Variants in ABHD3 observed in about 807,000 individuals in gnomAD.
ABHD3 encodes the protein phospholipase ABHD3.
ABHD3 carries 46 observed loss-of-function variants against 48.8 expected under a neutral mutation model. The observed-to-expected ratio is 0.94, with a 90% CI of 0.74 to 1.20. The LOEUF is 1.20. Ranked by LOEUF, ABHD3 falls within the 50% of genes most tolerant of loss-of-function variation. The pLI is 0.00. For synonymous variants in ABHD3, 192 were observed against 183.7 expected, an observed-to-expected ratio of 1.04 and a Z score of -0.36; for missense variants, 490 against 497.8, an observed-to-expected ratio of 0.98 and a Z score of 0.15.
chr18:21,665,736 C>T (rs923086155), intron 4 of ABHD3, among the ~76,000 whole-genome samples: 2 of 150,380 alleles, frequency 1.3e-5, no homozygotes, highest in Non-Finnish European at 3.0e-5. Flanking sequence ...GGCGTGAACC[C>T]GGGAGGTGGA....
chr18:21,675,277 T>A (rs2146306449), intron 4 of ABHD3, among the ~76,000 whole-genome samples: 1 of 146,026 alleles, frequency 6.8e-6, no homozygotes. Context: ...TTTTTTTTTT[T>A]TTTTTTTTTG....
At chr18:21,664,008 C>T in intron 5 of ABHD3, 110 bp downstream of exon 5, 1 of 1,439,802 alleles carries the variant, frequency 6.9e-7, no homozygotes, top group South Asian at 1.6e-5. Context: ...TAAACATAAT[C>T]AGACATTTAT....
intron 3 of ABHD3, chr18:21,701,951 C>T (rs1467951777): frequency 6.4e-6 from 1 of 156,818 alleles, no homozygotes; most frequent in Non-Finnish European, 1.4e-5. Context: ...CAGAATGTGG[C>T]ATGACGGCCA....
intron 1 of ABHD3, 68 bp from the exon 2 acceptor site, chr18:21,703,815 G>T: frequency 6.4e-7 from 1 of 1,550,986 alleles, no homozygotes; most frequent in Non-Finnish European, 8.8e-7. Flanking sequence ...ACCAGAAACC[G>T]GCAAAGACTT....
chr18:21,667,229 A>G (rs1319298554), intron 4 of ABHD3, among the ~76,000 whole-genome samples: 1 of 88,100 alleles, frequency 1.1e-5, no homozygotes, highest in Non-Finnish European at 2.1e-5. Flanking sequence ...GCCCACCACC[A>G]CACCCTTTTT....
chr18:21,682,278 A>G (rs1403228819), intron 4 of ABHD3: 1 of 152,258 alleles, frequency 6.6e-6, no homozygotes, highest in Non-Finnish European at 1.5e-5. Context: ...ATCATCATCC[A>G]GCCATAGTAA....
chr18:21,685,028 C>A (rs1264608341), intron 3 of ABHD3, among the ~76,000 whole-genome samples: 1 of 152,158 alleles, frequency 6.6e-6, no homozygotes, highest in Non-Finnish European at 1.5e-5. Context: ...AAAAGTTATT[C>A]AGTATTTAAA....
chr18:21,663,838 CG>C, intron 5 of ABHD3: 1 of 1,519,128 alleles, frequency 6.6e-7, no homozygotes. Flanking sequence ...ACATGGCAGC[CG>C]GTGAGTGATG....
At chr18:21,696,426 G>A (rs2040372079) in intron 3 of ABHD3, among the ~76,000 whole-genome samples, 3 of 152,266 alleles carry the variant, frequency 2.0e-5, no homozygotes, top group South Asian at 4.1e-4. Context: ...TGGGATTACA[G>A]GCGTGAGCCA....
At chr18:21,696,392 G>A (rs1388314672) in intron 3 of ABHD3, among the ~76,000 whole-genome samples, 1 of 152,012 alleles carries the variant, frequency 6.6e-6, no homozygotes, top group Non-Finnish European at 1.5e-5. Flanking sequence ...CTTGTGATCC[G>A]CCTGCCTTGG....
At chr18:21,677,233 T>G (rs4306620) in intron 4 of ABHD3, among the ~76,000 whole-genome samples, 2 of 152,110 alleles carry the variant, frequency 1.3e-5, no homozygotes, top group African/African-American at 4.8e-5. Context: ...CTCGCTCTGT[T>G]GCCCAGGCTG....
At chr18:21,669,965 G>C (rs1207294917) in intron 4 of ABHD3, among the ~76,000 whole-genome samples, 1 of 152,108 alleles carries the variant, frequency 6.6e-6, no homozygotes, top group Non-Finnish European at 1.5e-5. Flanking sequence ...GAGTGAGTCA[G>C]GAAAGGCAGG....
At chr18:21,663,575 A>G (rs776291132) in intron 5 of ABHD3, 121 of 1,176,700 alleles carry the variant, frequency 1.0e-4, no homozygotes, top group Non-Finnish European at 1.4e-4. Context: ...TATGCTTAAA[A>G]TAACAGCTGG....
intron 5 of ABHD3, among the ~76,000 whole-genome samples, chr18:21,661,033 C>T (rs1217861740): frequency 2.1e-5 from 3 of 144,840 alleles, no homozygotes; most frequent in East Asian, 4.0e-4. Flanking sequence ...GATGTTATCC[C>T]CAAAAAGACT....
At chr18:21,656,092 G>A (rs1029071435) in intron 8 of ABHD3, among the ~76,000 whole-genome samples, 1 of 151,778 alleles carries the variant, frequency 6.6e-6, no homozygotes, top group Non-Finnish European at 1.5e-5. Flanking sequence ...GGAGGCGGAG[G>A]TTGCAGTGAG....
At chr18:21,702,097 CAG>C (rs893471096) in intron 3 of ABHD3, 14 of 425,326 alleles carry the variant, frequency 3.3e-5, no homozygotes, top group African/African-American at 8.1e-5. Flanking sequence ...CCTAAATCTG[CAG>C]AGTGTCTACT....
intron 6 of ABHD3, among the ~76,000 whole-genome samples, chr18:21,658,767 T>C (rs2039413470): frequency 6.6e-6 from 1 of 152,148 alleles, no homozygotes; most frequent in Non-Finnish European, 1.5e-5. Flanking sequence ...TATAAACACA[T>C]ATACATATAT....
At chr18:21,693,688 C>G (rs929458725) in intron 3 of ABHD3, among the ~76,000 whole-genome samples, 6 of 152,186 alleles carry the variant, frequency 3.9e-5, no homozygotes, top group African/African-American at 1.4e-4. Flanking sequence ...CCTCTTCATT[C>G]AGTGCTTTCT....
At chr18:21,654,822 C>G (rs955183054) in intron 8 of ABHD3, 6 of 152,080 alleles carry the variant, frequency 3.9e-5, no homozygotes, top group Non-Finnish European at 8.8e-5. Flanking sequence ...TATTTCATTG[C>G]GGCAAGACTA....
Sources: allele counts gnomAD v4.1 joint callset (sites outside exome capture counted in the v4.1 genomes callset), GRCh38; gene constraint gnomAD v4.1.1; transcripts MANE v1.5; gene names NCBI Gene and HGNC (gene_info 2026-07-23, HGNC 2026-07-21).